Variants in CFAP299 observed in about 807,000 individuals in gnomAD.
CFAP299 encodes cilia and flagella associated protein 299, also known as cilia- and flagella-associated protein 299.
Under a neutral mutation model 27.0 loss-of-function variants are expected in CFAP299, and 21 were observed. That is an observed-to-expected ratio of 0.78 (90% CI 0.55 to 1.12). The LOEUF (loss-of-function observed/expected upper bound fraction) is 1.12. CFAP299 is among the 50% of genes most tolerant of loss of function. The pLI is 0.00. For synonymous variants in CFAP299, 104 were observed against 98.1 expected (o/e 1.06, Z -0.36); for missense variants, 310 against 276.6 (o/e 1.12, Z -0.86).
intron 2 of CFAP299, among the ~76,000 whole-genome samples, chr4:80,556,811 C>T (rs1428313870): frequency 6.6e-6 from 1 of 151,898 alleles, no homozygotes; most frequent in Non-Finnish European, 1.5e-5. Context: ...AACATATTTT[C>T]CCAATCAATA....
At chr4:80,938,201 G>A (rs1454747119) in intron 4 of CFAP299, among the ~76,000 whole-genome samples, 1 of 152,086 alleles carries the variant, frequency 6.6e-6, no homozygotes, top group Non-Finnish European at 1.5e-5. Flanking sequence ...GTTGGGAACA[G>A]GCCCCCCAAA....
chr4:80,657,413 A>T (rs531386822), intron 3 of CFAP299, among the ~76,000 whole-genome samples: 1 of 152,270 alleles, frequency 6.6e-6, no homozygotes, highest in East Asian at 1.9e-4. Flanking sequence ...TATAAGGTGT[A>T]AGGAAGGGGT....
chr4:80,449,982 G>A (rs1006804985), intron 2 of CFAP299, among the ~76,000 whole-genome samples: 1 of 152,096 alleles, frequency 6.6e-6, no homozygotes, highest in Non-Finnish European at 1.5e-5. Context: ...TTGTGCTCCA[G>A]TAATTTCTCT....
chr4:80,743,005 CA>C (rs1225657800), intron 3 of CFAP299, among the ~76,000 whole-genome samples: 1 of 151,996 alleles, frequency 6.6e-6, no homozygotes, highest in South Asian at 2.1e-4. Flanking sequence ...ACTGTGTATG[CA>C]AAAAAATTTC....
At chr4:80,657,931 T>G (rs1174364414) in intron 3 of CFAP299, among the ~76,000 whole-genome samples, 2 of 152,174 alleles carry the variant, frequency 1.3e-5, no homozygotes, top group Non-Finnish European at 2.9e-5. Flanking sequence ...TACTTCTCCT[T>G]GAAGAGGTCC....
At chr4:80,550,414 T>G (rs992109613) in intron 2 of CFAP299, among the ~76,000 whole-genome samples, 3 of 152,098 alleles carry the variant, frequency 2.0e-5, no homozygotes, top group African/African-American at 7.2e-5. Context: ...CTTCCCTATA[T>G]TTAAATACAC....
the CFAP299 span, among the ~76,000 whole-genome samples, chr4:80,324,155 G>A: frequency 6.6e-6 from 1 of 151,760 alleles, no homozygotes; most frequent in South Asian, 2.1e-4. Context: ...CCCCTCGATA[G>A]GCCCCGGTAT....
chr4:80,660,283 G>A (rs970445498), intron 3 of CFAP299, among the ~76,000 whole-genome samples: 5 of 151,916 alleles, frequency 3.3e-5, no homozygotes, highest in African/African-American at 7.3e-5. Flanking sequence ...AAAGAATGGC[G>A]GGGACTGTTG....
intron 3 of CFAP299, among the ~76,000 whole-genome samples, chr4:80,790,741 T>C (rs370163565): frequency 2.0e-5 from 3 of 152,014 alleles, no homozygotes; most frequent in Admixed American, 6.6e-5. Flanking sequence ...GGTGCTCTAT[T>C]ATAGCAGCCC....
rs141936428 is a variant in CFAP299, at chr4:80,729,911, A to G, written c.334-140082A>G. ...AGCCACAGCACCCGGCCCAGCATCT[A>G]TTTTTAAATTTAAGTTTACCTTGAC... On this transcript the variant is annotated intron_variant, in intron 3 of 5. Transcript: ENST00000358105. 3.3e-5 allele frequency among the ~76,000 whole-genome samples: 5 copies of G among 152,010 alleles called. No individual in the cohort carries two copies. The East Asian group carries it at 5.8e-4, about 18-fold the overall frequency.
chr4:80,723,605 A>G (rs1192248941), intron 3 of CFAP299, among the ~76,000 whole-genome samples: 1 of 152,116 alleles, frequency 6.6e-6, no homozygotes, highest in Admixed American at 6.5e-5. Context: ...TACATTACAT[A>G]GAGAGAAATG....
intron 2 of CFAP299, among the ~76,000 whole-genome samples, chr4:80,576,193 A>T (rs1324949448): frequency 1.0e-3 from 34 of 33,296 alleles, no homozygotes; most frequent in African/African-American, 2.6e-3. Context: ...ATAATAAAAA[A>T]AAAAATATAT....
At chr4:80,368,856 G>A (rs1169880077) in intron 2 of CFAP299, among the ~76,000 whole-genome samples, 3 of 152,092 alleles carry the variant, frequency 2.0e-5, no homozygotes, top group Non-Finnish European at 2.9e-5. Context: ...ATGGTTTGTT[G>A]CTTTCAAACC....
At chr4:80,621,555 C>T (rs1738608264) in intron 3 of CFAP299, among the ~76,000 whole-genome samples, 1 of 152,104 alleles carries the variant, frequency 6.6e-6, no homozygotes, top group Non-Finnish European at 1.5e-5. Flanking sequence ...GGATATTGTA[C>T]TGGATTTGAA....
At chr4:80,485,187 C>CAGA (rs1442355554) in intron 2 of CFAP299, among the ~76,000 whole-genome samples, 3 of 151,560 alleles carry the variant, frequency 2.0e-5, no homozygotes, top group African/African-American at 7.3e-5. Context: ...CTGACCCTAA[C>CAGA]AGAGCCCTTA....
chr4:80,428,208 A>G (rs968898163), intron 2 of CFAP299, among the ~76,000 whole-genome samples: 1 of 152,156 alleles, frequency 6.6e-6, no homozygotes, highest in Non-Finnish European at 1.5e-5. Context: ...TTGGCTACAT[A>G]CTATATCTCC....
chr4:80,345,013 A>G (rs561879794), intron 1 of CFAP299, among the ~76,000 whole-genome samples: 2 of 152,332 alleles, frequency 1.3e-5, no homozygotes, highest in African/African-American at 4.8e-5. Flanking sequence ...AATATATGTC[A>G]AGCCCACAGA....
At chr4:80,424,234 C>T (rs776893876) in intron 2 of CFAP299, among the ~76,000 whole-genome samples, 1 of 152,168 alleles carries the variant, frequency 6.6e-6, no homozygotes, top group Non-Finnish European at 1.5e-5. Context: ...TTCCCTTAAC[C>T]TTCCCACGTG....
intron 2 of CFAP299, among the ~76,000 whole-genome samples, chr4:80,441,466 T>C (rs1728353437): frequency 6.6e-6 from 1 of 152,106 alleles, no homozygotes; most frequent in Admixed American, 6.6e-5. Context: ...AGCTTCATAA[T>C]TGAAGGGGAA....
Sources: gnomAD v4.1 joint callset for allele counts (sites outside exome capture counted in the v4.1 genomes callset) on GRCh38, gnomAD v4.1.1 for gene constraint, MANE v1.5 for transcripts, NCBI Gene and HGNC (gene_info 2026-07-23, HGNC 2026-07-21) for gene names.